FBXO42: variants seen among roughly 807,000 people sequenced by gnomAD.
FBXO42 encodes the protein F-box protein 42.
A neutral mutation model predicts 71.7 loss-of-function variants in FBXO42; 12 were observed. The ratio of observed to expected loss-of-function variants is 0.17; its 90% CI spans 0.11 to 0.27. FBXO42 has a LOEUF of 0.27. Among genes scored for constraint, FBXO42 ranks in the 10% least tolerant of loss-of-function variants. The probability of loss-of-function intolerance (pLI) is 1.00; values close to 1 mark genes in which losing one functional copy is unlikely to be tolerated. For missense variants in FBXO42, 707 were observed against 911.9 expected (o/e 0.78, Z 2.89); for synonymous variants, 325 against 327.5 (o/e 0.99, Z 0.08).
chr1:16,350,099 A>C (rs2082685431), intron 1 of FBXO42, among the ~76,000 whole-genome samples: 1 of 152,170 alleles, frequency 6.6e-6, no homozygotes, highest in Non-Finnish European at 1.5e-5. Context: ...TCTAGAAATC[A>C]GACAAGAAGA....
intron 1 of FBXO42, among the ~76,000 whole-genome samples, chr1:16,346,613 G>T (rs1054320524): frequency 6.6e-6 from 1 of 151,032 alleles, no homozygotes; most frequent in Admixed American, 6.6e-5. Context: ...GTGTGAACCC[G>T]GGAAGCAGAG....
At chr1:16,341,692 C>T (rs1042587322) in intron 1 of FBXO42, among the ~76,000 whole-genome samples, 2 of 147,858 alleles carry the variant, frequency 1.4e-5, no homozygotes, top group African/African-American at 5.0e-5. Flanking sequence ...AGTTCTGGGC[C>T]GGGTGCGGTG....
At chr1:16,342,741 A>G (rs1420037859) in intron 1 of FBXO42, among the ~76,000 whole-genome samples, 2 of 152,058 alleles carry the variant, frequency 1.3e-5, no homozygotes, top group Non-Finnish European at 2.9e-5. Context: ...TTGATCCCCA[A>G]TGTGGTGGTG....
intron 1 of FBXO42, among the ~76,000 whole-genome samples, chr1:16,318,066 A>G (rs1442847907): frequency 6.6e-6 from 1 of 152,204 alleles, no homozygotes; most frequent in Non-Finnish European, 1.5e-5. Flanking sequence ...CTGGTTACAC[A>G]GATGTTTTTT....
chr1:16,281,557 C>T (rs1234303317), intron 4 of FBXO42, among the ~76,000 whole-genome samples: 2 of 151,676 alleles, frequency 1.3e-5, no homozygotes, highest in Non-Finnish European at 2.9e-5. Flanking sequence ...TGACCTCTGC[C>T]TCCCAGGTTC....
rs1458707746 is a variant in FBXO42 at position 16,251,686 on chromosome 1, G to C, written c.1138C>G (p.Pro380Ala). ...TCTCGGGTTTCAGGAACGAGAGCTG[G>C]AGGAGTGGCACTGATAGGTGATGGG... ...SRPSPISATP[P>A]ALVPETREYR... The change falls in exon 10 of 10, where the codon CCA (proline) becomes GCA (alanine). Residue 380 changes from proline to alanine, a missense_variant. Pro to Ala is a conservative substitution (Grantham distance 27). Coordinates refer to ENST00000375592, the MANE Select transcript of FBXO42 (RefSeq NM_018994.3). The surrounding 1 kb of genome is among the most constrained non-coding windows in gnomAD (Gnocchi z 4.5). 1.2e-6 allele frequency: 2 copies of C among 1,614,194 alleles called. No homozygotes were observed. Among genetic ancestry groups the C allele is most frequent in the South Asian group, 2.2e-5 (2 of 91,082 alleles).
chr1:16,328,873 T>C (rs2082472186), intron 1 of FBXO42, among the ~76,000 whole-genome samples: 1 of 151,960 alleles, frequency 6.6e-6, no homozygotes, highest in African/African-American at 2.4e-5. Context: ...AAAAGAAAAT[T>C]GATGGGATTG....
intron 4 of FBXO42, among the ~76,000 whole-genome samples, chr1:16,257,548 T>C (rs1369893094): frequency 1.3e-5 from 2 of 152,256 alleles, no homozygotes; most frequent in East Asian, 1.9e-4. Context: ...TACAGGAGCA[T>C]AATTTTTCAA....
At chr1:16,303,817 C>T (rs1297971972) in intron 3 of FBXO42, among the ~76,000 whole-genome samples, 2 of 152,132 alleles carry the variant, frequency 1.3e-5, no homozygotes, top group African/African-American at 4.8e-5. Flanking sequence ...GTGATCTCGG[C>T]TCACTGCCAG....
chr1:16,302,990 C>G (rs1225228207), intron 3 of FBXO42, among the ~76,000 whole-genome samples: 1 of 152,078 alleles, frequency 6.6e-6, no homozygotes, highest in Non-Finnish European at 1.5e-5. Context: ...CCATATCTGG[C>G]GGGCACACTG....
intron 1 of FBXO42, among the ~76,000 whole-genome samples, chr1:16,338,354 CAAAAAA>C (rs55865669): frequency 3.7e-5 from 4 of 108,160 alleles, no homozygotes; most frequent in South Asian, 6.1e-4. Flanking sequence ...GCCCTATCTC[CAAAAAA>C]AAAAAAAAAA....
intron 4 of FBXO42, among the ~76,000 whole-genome samples, chr1:16,282,524 C>T (rs1569856140): frequency 8.7e-6 from 1 of 115,308 alleles, no homozygotes; most frequent in African/African-American, 2.8e-5. Context: ...CTGTGCCCGG[C>T]CATTTTCTCT....
intron 6 of FBXO42, among the ~76,000 whole-genome samples, chr1:16,255,145 G>A (rs2081626625): frequency 6.6e-6 from 1 of 152,166 alleles, no homozygotes; most frequent in Non-Finnish European, 1.5e-5. Context: ...AGCAGGCAAG[G>A]TGGAGGTTCC....
chr1:16,249,086 T>C lies in FBXO42; in HGVS notation c.*1584A>G, dbSNP rs984748743. ...GAGGAGTGTCAGGGTGGCAAGGTGA[T>C]GTTTTGAAATTAGGATTTAAATTTC... On this transcript the variant is annotated 3_prime_UTR_variant, in exon 10 of 10. Coordinates refer to ENST00000375592, the MANE Select transcript of FBXO42 (RefSeq NM_018994.3). 6.6e-6 allele frequency: 1 copy of C among 152,276 alleles called. No individual in the cohort carries two copies. Among genetic ancestry groups the C allele is most frequent in the Non-Finnish European group, 1.5e-5 (1 of 68,046 alleles). The allele number at this position is 152,276 out of a possible 1,614,324, so 9.4% of individuals were successfully genotyped here. A position where few individuals can be genotyped will look rare whatever the true frequency, so the allele number is the denominator to read the frequency against.
At chr1:16,295,251 C>A (rs1275414344) in intron 3 of FBXO42, among the ~76,000 whole-genome samples, 1 of 152,206 alleles carries the variant, frequency 6.6e-6, no homozygotes, top group East Asian at 1.9e-4. Flanking sequence ...TGATCTAAAT[C>A]TGCATCATTA....
At chr1:16,336,429 G>A (rs970068552) in intron 1 of FBXO42, among the ~76,000 whole-genome samples, 3 of 151,224 alleles carry the variant, frequency 2.0e-5, no homozygotes, top group Admixed American at 6.6e-5. Flanking sequence ...CGTGATCTTG[G>A]CTCATTGCAA....
intron 4 of FBXO42, among the ~76,000 whole-genome samples, chr1:16,268,742 T>C (rs949277814): frequency 6.6e-6 from 1 of 152,144 alleles, no homozygotes; most frequent in African/African-American, 2.4e-5. Context: ...GGCAGGCAGA[T>C]GACCTGAGGT....
At chr1:16,332,350 G>C (rs11260728) in intron 1 of FBXO42, among the ~76,000 whole-genome samples, 52,024 of 151,798 alleles carry the variant, frequency 0.34, 10,668 homozygotes, top group East Asian at 0.67. Flanking sequence ...TGCTATAGTT[G>C]AATGAAGGAA....
chr1:16,302,507 T>C (rs1001775410), intron 3 of FBXO42, among the ~76,000 whole-genome samples: 1 of 152,086 alleles, frequency 6.6e-6, no homozygotes, highest in African/African-American at 2.4e-5. Context: ...CAGGGGAAAC[T>C]GCCACCTTTT....
Sources: gnomAD v4.1 joint callset for allele counts (sites outside exome capture counted in the v4.1 genomes callset) on GRCh38, gnomAD v4.1.1 for gene constraint, Gnocchi (gnomAD v3.1) non-coding constraint, MANE v1.5 for transcripts, NCBI Gene and HGNC (gene_info 2026-07-23, HGNC 2026-07-21) for gene names.